Variants in KIAA0930 observed in about 807,000 individuals in gnomAD.
KIAA0930 encodes KIAA0930, also known as uncharacterized protein KIAA0930.
In KIAA0930, 24 loss-of-function variants were observed where a neutral mutation model predicts 43.9. The ratio of observed to expected loss-of-function variants is 0.55; its 90% CI spans 0.40 to 0.77. The LOEUF (loss-of-function observed/expected upper bound fraction) is 0.77. Among genes scored for constraint, KIAA0930 ranks in the 30% least tolerant of loss-of-function variants. The pLI, the probability that KIAA0930 is intolerant of heterozygous loss-of-function variation, is 0.00. For synonymous variants in KIAA0930, 259 were observed against 216.4 expected (o/e 1.20, Z -1.73); for missense variants, 461 against 574.2 (o/e 0.80, Z 2.02).
chr22:45,212,900 A>T (rs1486718133), intron 1 of KIAA0930, among the ~76,000 whole-genome samples: 1 of 152,160 alleles, frequency 6.6e-6, no homozygotes, highest in Non-Finnish European at 1.5e-5. Context: ...ACACAGCAGG[A>T]TCAACATAGG....
chr22:45,214,326 T>C (rs2083718172), intron 1 of KIAA0930, among the ~76,000 whole-genome samples: 1 of 151,836 alleles, frequency 6.6e-6, no homozygotes, highest in South Asian at 2.1e-4. Flanking sequence ...GGTACACAAA[T>C]GTTCACAGCA....
intron 6 of KIAA0930, among the ~76,000 whole-genome samples, chr22:45,203,506 G>A (rs910081910): frequency 6.6e-6 from 1 of 152,106 alleles, no homozygotes; most frequent in Non-Finnish European, 1.5e-5. Flanking sequence ...GGGGCGACTC[G>A]GAGCACTCCC....
At chr22:45,209,323 G>A (rs1343148997) in intron 2 of KIAA0930, among the ~76,000 whole-genome samples, 1 of 152,092 alleles carries the variant, frequency 6.6e-6, no homozygotes, top group Non-Finnish European at 1.5e-5. Flanking sequence ...TTTTGCCAGG[G>A]GGGGTCTCCC....
At chr22:45,225,706 GCCTT>G (rs983964373) in intron 1 of KIAA0930, among the ~76,000 whole-genome samples, 1 of 152,182 alleles carries the variant, frequency 6.6e-6, no homozygotes, top group African/African-American at 2.4e-5. Flanking sequence ...CCCTCGGGGT[GCCTT>G]CCTTACCACC....
chr22:45,236,510 A>G (rs2083889562), intron 1 of KIAA0930, among the ~76,000 whole-genome samples: 1 of 152,046 alleles, frequency 6.6e-6, no homozygotes, highest in Admixed American at 6.5e-5. Context: ...TGGTGGCTCC[A>G]TTCTCTGTGG....
intron 1 of KIAA0930, among the ~76,000 whole-genome samples, chr22:45,214,673 C>T (rs2083720369): frequency 6.6e-6 from 1 of 152,066 alleles, no homozygotes; most frequent in Non-Finnish European, 1.5e-5. Flanking sequence ...CTTTGGGAGG[C>T]CAAGGCGGAA....
rs1261835917 is a variant in KIAA0930, at chr22:45,199,984, A to G, written c.904T>C (p.Phe302Leu). 3 of 1,608,628 alleles carry G rather than the reference A, an allele frequency of 1.9e-6. No individual in the cohort carries two copies. The African/African-American group carries it at 4.0e-5, about 22-fold the overall frequency. Residue 302 changes from phenylalanine to leucine, a missense_variant, in exon 8 of 10, where the codon TTC becomes CTC. Coordinates refer to ENST00000336156, the MANE Select transcript of KIAA0930 (RefSeq NM_001009880.2). ...TTCCTCTTGAGGGATGGGGAGAAGA[A>G]GGCAGGCCGGTTGTTCCGTTCTGGG... ...PTPERNNRPA[F>L]FSPSLKRKVP...
Position 45,194,279 on chromosome 22 carries a change from TAGTC to T in KIAA0930, c.*2893_*2896del, listed in dbSNP as rs71315128. ...TAGTAGACATGGGGTTTCAGCATGT[TAGTC>T]AGGCTGGTCTTGAACTCCTGATCTC... is the stretch of plus-strand genomic sequence containing the variant. On this transcript the variant is annotated 3_prime_UTR_variant, in exon 10 of 10. Coordinates refer to ENST00000336156, the MANE Select transcript of KIAA0930 (RefSeq NM_001009880.2). 0.15 allele frequency: 23,012 copies of T among 151,714 alleles called. 2,025 individuals carry two copies. Among genetic ancestry groups the T allele is most frequent in the East Asian group, 0.43 (2,194 of 5,116 alleles). The allele number at this position is 151,714 out of a possible 1,614,324, so 9.4% of individuals were successfully genotyped here. A position where few individuals can be genotyped will look rare whatever the true frequency, so the allele number is the denominator to read the frequency against.
At chr22:45,206,175 C>G (rs1181599914) in intron 2 of KIAA0930, among the ~76,000 whole-genome samples, 2 of 152,148 alleles carry the variant, frequency 1.3e-5, no homozygotes, top group Admixed American at 6.5e-5. Flanking sequence ...GCTACCACAC[C>G]CGGCTAATTT....
Position 45,213,466 on chromosome 22 carries a change from A to C in KIAA0930, c.65-1359T>G, listed in dbSNP as rs2083712058. On this transcript the variant is annotated intron_variant, in intron 1 of 9. Coordinates refer to ENST00000336156, the MANE Select transcript of KIAA0930 (RefSeq NM_001009880.2). ...CAGGAGAGCCCACGGGACTGGCAAG[A>C]CCTCCCAGGCTCACAGGACCCGGGG... The C allele has an allele frequency of 3.1e-5, 38 of 1,224,676 alleles. 1 individual carries two copies. In the South Asian group the frequency reaches 4.4e-4, roughly 14 times the overall value. 75.9% of individuals were successfully genotyped at this position (1,224,676 alleles called of 1,614,324 possible).
rs188185465 is a variant in KIAA0930, at chr22:45,226,631, G to C, written c.64+14009C>G. On this transcript the variant is annotated intron_variant, in intron 1 of 9. Coordinates refer to ENST00000336156, the MANE Select transcript of KIAA0930 (RefSeq NM_001009880.2). ...ACAGTGGTTCCATATTCAAATTCCT[G>C]TTTTCTGTGAGATCATCCTCACAGG... The C allele has an allele frequency of 3.0e-3, 682 of 230,632 alleles. 9 individuals are homozygous for C. Among genetic ancestry groups the C allele is most frequent in the African/African-American group, 0.014 (645 of 44,678 alleles). 14.3% of individuals were successfully genotyped at this position (230,632 alleles called of 1,614,324 possible).
At chr22:45,211,921 C>T (rs1601816555) in intron 2 of KIAA0930, 35 bp downstream of exon 2, 3 of 1,597,868 alleles carry the variant, frequency 1.9e-6, no homozygotes, top group Non-Finnish European at 8.5e-7. Context: ...ATGCTTGGGG[C>T]ACAGACGCAG....
intron 1 of KIAA0930, among the ~76,000 whole-genome samples, chr22:45,222,014 A>G (rs972242540): frequency 3.9e-5 from 6 of 152,198 alleles, no homozygotes; most frequent in African/African-American, 1.2e-4. Flanking sequence ...GATTACAGGC[A>G]TGAGCCACTG....
intron 2 of KIAA0930, among the ~76,000 whole-genome samples, chr22:45,206,407 T>C (rs1033790556): frequency 6.6e-6 from 1 of 152,206 alleles, no homozygotes; most frequent in African/African-American, 2.4e-5. Context: ...AGTTTCTTCA[T>C]CTGTACAATG....
chr22:45,202,832 T>C, intron 7 of KIAA0930, 158 bp downstream of exon 7: 1 of 594,812 alleles, frequency 1.7e-6, no homozygotes, highest in East Asian at 3.1e-5. Context: ...AGAGAAGGGC[T>C]GGGTGGTCCG....
In KIAA0930 at chr22:45,196,139, G is replaced by C. The variant is rs552372120; in HGVS notation, c.*1037C>G. On this transcript the variant is annotated 3_prime_UTR_variant, in exon 10 of 10. Coordinates refer to ENST00000336156, the MANE Select transcript of KIAA0930 (RefSeq NM_001009880.2). The surrounding 1 kb of genome is among the most constrained non-coding windows in gnomAD (Gnocchi z 4.1). ...ATGGAAACGCCTTCATGCTGGACCA[G>C]GCCGAGGGCAGGCCTGGGGCTGGGC... is the stretch of plus-strand genomic sequence containing the variant. 6.6e-6 allele frequency: 1 copy of C among 152,380 alleles called. No individual in the cohort carries two copies. Among genetic ancestry groups the C allele is most frequent in the South Asian group, 2.1e-4 (1 of 4,814 alleles). The allele number at this position is 152,380 out of a possible 1,614,324, so 9.4% of individuals were successfully genotyped here.
intron 1 of KIAA0930, among the ~76,000 whole-genome samples, chr22:45,238,612 C>T (rs569042197): frequency 2.6e-4 from 39 of 152,230 alleles, no homozygotes; most frequent in Non-Finnish European, 5.0e-4. Flanking sequence ...TGAGTAGGGG[C>T]GGCTTTCCGG....
At chr22:45,197,677 C>G in intron 9 of KIAA0930, 113 bp downstream of exon 9, 1 of 1,169,554 alleles carries the variant, frequency 8.6e-7, no homozygotes, top group South Asian at 1.4e-5. Context: ...AGAAACCCAA[C>G]CAACCGACAG....
chr22:45,225,246 T>G (rs1292303129), intron 1 of KIAA0930, among the ~76,000 whole-genome samples: 1 of 151,904 alleles, frequency 6.6e-6, no homozygotes, highest in East Asian at 1.9e-4. Flanking sequence ...GCTGAGGGCC[T>G]CCCTCCCTCG....
Sources: allele counts gnomAD v4.1 joint callset (sites outside exome capture counted in the v4.1 genomes callset), GRCh38; gene constraint gnomAD v4.1.1; non-coding constraint Gnocchi (gnomAD v3.1); transcripts MANE v1.5; gene names NCBI Gene and HGNC (gene_info 2026-07-23, HGNC 2026-07-21).